The following PSTPIP2 variants were observed in gnomAD, a reference collection of about 807,000 sequenced individuals.
The protein encoded by PSTPIP2 is proline-serine-threonine phosphatase interacting protein 2, also known as proline-serine-threonine phosphatase-interacting protein 2.
PSTPIP2 carries 33 observed loss-of-function variants against 63.3 expected under a neutral mutation model. The observed-to-expected ratio is 0.52, with a 90% CI of 0.40 to 0.70. PSTPIP2 has a LOEUF of 0.70. Ranked by LOEUF, PSTPIP2 falls within the 30% of genes least tolerant of loss-of-function variation. The pLI, the probability that PSTPIP2 is intolerant of heterozygous loss-of-function variation, is 0.00. For synonymous variants in PSTPIP2, 125 were observed against 132.7 expected, an observed-to-expected ratio of 0.94 and a Z score of 0.40; for missense variants, 312 against 400.7, an observed-to-expected ratio of 0.78 and a Z score of 1.89.
intron 2 of PSTPIP2, among the ~76,000 whole-genome samples, chr18:46,027,357 A>G (rs982356372): frequency 6.7e-6 from 1 of 149,658 alleles, no homozygotes; most frequent in African/African-American, 2.5e-5. Flanking sequence ...TATTAAAAAA[A>G]TTTTTTTTAA....
At chr18:46,061,285 C>T (rs375422766) in intron 1 of PSTPIP2, among the ~76,000 whole-genome samples, 12 of 148,278 alleles carry the variant, frequency 8.1e-5, no homozygotes, top group East Asian at 2.0e-4. Flanking sequence ...GCCTGGTCAA[C>T]GGAGCGAGAC....
chr18:46,042,474 T>C (rs1256517768), intron 1 of PSTPIP2, among the ~76,000 whole-genome samples: 1 of 152,168 alleles, frequency 6.6e-6, no homozygotes, highest in African/African-American at 2.4e-5. Flanking sequence ...TTGTTTGCTA[T>C]TATGCCTGTG....
chr18:45,997,774 T>TG lies in PSTPIP2; in HGVS notation c.616dup (p.Gln206ProfsTer3). The TG allele has an allele frequency of 6.7e-7, 1 of 1,494,184 alleles. No homozygotes were observed. Among genetic ancestry groups the TG allele is most frequent in the Non-Finnish European group, 9.0e-7 (1 of 1,112,594 alleles). The allele number at this position is 1,494,184 out of a possible 1,614,324, so 92.6% of individuals were successfully genotyped here. On this transcript the variant is annotated frameshift_variant, in exon 9 of 15. Transcript: ENST00000409746. LOFTEE classifies it high-confidence loss of function. ...CTCGCAGGCCTTGATGTGCTCACTC[T>TG]GCCACTCTTCTCGGACCTTATCCAG...
chr18:46,057,871 G>A (rs945544798), intron 1 of PSTPIP2, among the ~76,000 whole-genome samples: 7 of 151,700 alleles, frequency 4.6e-5, no homozygotes, highest in South Asian at 4.2e-4. Flanking sequence ...GGTGGCGGGC[G>A]CCTGTAGTCC....
chr18:46,066,535 A>G (rs977317391), intron 1 of PSTPIP2, among the ~76,000 whole-genome samples: 2 of 152,110 alleles, frequency 1.3e-5, no homozygotes, highest in African/African-American at 2.4e-5. Flanking sequence ...GGGAATGGAG[A>G]AGAAGTTCCT....
At chr18:46,019,227 T>A (rs1481155406) in intron 3 of PSTPIP2, among the ~76,000 whole-genome samples, 3 of 152,168 alleles carry the variant, frequency 2.0e-5, no homozygotes, top group African/African-American at 7.2e-5. Context: ...CAGCATAAGA[T>A]CATGCATCAT....
chr18:46,036,282 T>A (rs1221848645), intron 2 of PSTPIP2, among the ~76,000 whole-genome samples: 2 of 150,644 alleles, frequency 1.3e-5, no homozygotes, highest in Non-Finnish European at 2.9e-5. Flanking sequence ...TTATTAATTA[T>A]TATTGTAACA....
At chr18:46,025,503 A>G (rs1325626155) in intron 2 of PSTPIP2, among the ~76,000 whole-genome samples, 3 of 152,116 alleles carry the variant, frequency 2.0e-5, no homozygotes, top group Middle Eastern at 3.4e-3. Flanking sequence ...ACATATACAC[A>G]TATGTGTAAC....
At chr18:46,014,148 G>C (rs1265160381) in intron 4 of PSTPIP2, among the ~76,000 whole-genome samples, 1 of 151,988 alleles carries the variant, frequency 6.6e-6, no homozygotes, top group African/African-American at 2.4e-5. Flanking sequence ...TCAGCCTCTG[G>C]AGTAGCTGGG....
intron 6 of PSTPIP2, among the ~76,000 whole-genome samples, chr18:46,000,674 C>CT (rs1488728948): frequency 6.6e-6 from 1 of 152,160 alleles, no homozygotes; most frequent in Admixed American, 6.5e-5. Flanking sequence ...AGCCAGTGTT[C>CT]TTTTTTTATT....
At chr18:46,020,766 T>C (rs1242103774) in intron 3 of PSTPIP2, among the ~76,000 whole-genome samples, 1 of 152,170 alleles carries the variant, frequency 6.6e-6, no homozygotes, top group Non-Finnish European at 1.5e-5. Context: ...CAATCCCAGT[T>C]CTCCTATCTT....
intron 13 of PSTPIP2, among the ~76,000 whole-genome samples, 178 bp downstream of exon 13, chr18:45,990,544 C>T (rs1290718862): frequency 6.6e-6 from 1 of 152,116 alleles, no homozygotes; most frequent in Non-Finnish European, 1.5e-5. Flanking sequence ...ATTCTTGTGG[C>T]TCAGCCTCCT....
chr18:46,027,345 A>T (rs1036839509), intron 2 of PSTPIP2, among the ~76,000 whole-genome samples: 98 of 147,824 alleles, frequency 6.6e-4, no homozygotes, highest in African/African-American at 2.4e-3. Context: ...AATAAATAAA[A>T]ATATTAAAAA....
intron 5 of PSTPIP2, among the ~76,000 whole-genome samples, chr18:46,008,730 T>G (rs949882684): frequency 1.1e-4 from 17 of 152,210 alleles, no homozygotes; most frequent in Admixed American, 1.0e-3. Context: ...TTAGCTGAGG[T>G]GATAAAACCA....
At chr18:46,025,887 T>C (rs1209784208) in intron 2 of PSTPIP2, among the ~76,000 whole-genome samples, 4 of 152,146 alleles carry the variant, frequency 2.6e-5, no homozygotes, top group African/African-American at 9.7e-5. Context: ...CCCATGCAGC[T>C]GGGACTACAG....
chr18:46,028,938 T>C, intron 2 of PSTPIP2: 1 of 1,338,002 alleles, frequency 7.5e-7, no homozygotes, highest in Middle Eastern at 1.8e-4. Context: ...GCCAGCATGG[T>C]AATGCTGAAC....
At chr18:45,989,834 A>C (rs775955494) in intron 13 of PSTPIP2, 23 of 152,418 alleles carry the variant, frequency 1.5e-4, no homozygotes, top group Non-Finnish European at 2.9e-4. Context: ...GGAGGGATGC[A>C]CACGGACTGG....
chr18:46,055,202 C>T (rs1483098379), intron 1 of PSTPIP2, among the ~76,000 whole-genome samples: 1 of 152,144 alleles, frequency 6.6e-6, no homozygotes, highest in Admixed American at 6.5e-5. Context: ...ATGTCATCTC[C>T]ATGGAGAAGT....
intron 1 of PSTPIP2, among the ~76,000 whole-genome samples, chr18:46,053,241 T>C (rs1228138880): frequency 6.6e-6 from 1 of 152,200 alleles, no homozygotes; most frequent in Non-Finnish European, 1.5e-5. Flanking sequence ...TCCAAAGTTT[T>C]CATTTAAATT....
Sources: gnomAD v4.1 joint callset for allele counts (sites outside exome capture counted in the v4.1 genomes callset) on GRCh38, gnomAD v4.1.1 for gene constraint, MANE v1.5 for transcripts, NCBI Gene and HGNC (gene_info 2026-07-23, HGNC 2026-07-21) for gene names.